Variants in PCMTD2 observed in about 807,000 individuals in gnomAD.
PCMTD2 encodes the protein protein-L-isoaspartate (D-aspartate) O-methyltransferase domain containing 2, also known as protein-L-isoaspartate O-methyltransferase domain-containing protein 2.
A neutral mutation model predicts 33.4 loss-of-function variants in PCMTD2; 16 were observed. That is an observed-to-expected ratio of 0.48 (90% confidence interval 0.32 to 0.73). The LOEUF is 0.73. Ranked by LOEUF, PCMTD2 falls within the 30% of genes least tolerant of loss-of-function variation. PCMTD2 has a pLI of 0.03. For synonymous variants in PCMTD2, 161 were observed against 160.8 expected, an observed-to-expected ratio of 1.00 and a Z score of -0.01; for missense variants, 374 against 449.9, an observed-to-expected ratio of 0.83 and a Z score of 1.53.
chr20:64,268,065 G>A, intron 5 of PCMTD2, 55 bp downstream of exon 5: 5 of 1,351,040 alleles, frequency 3.7e-6, no homozygotes, highest in Non-Finnish European at 5.0e-6. Flanking sequence ...TCTCTGGTTA[G>A]ATTTTAAAAG....
chr20:64,263,924 C>T (rs997240356), intron 2 of PCMTD2, among the ~76,000 whole-genome samples: 2 of 152,168 alleles, frequency 1.3e-5, no homozygotes, highest in Non-Finnish European at 2.9e-5. Flanking sequence ...ATTAAGTGGA[C>T]TTGTAACATT....
intron 2 of PCMTD2, among the ~76,000 whole-genome samples, chr20:64,261,119 T>G (rs1985397199): frequency 6.6e-6 from 1 of 152,166 alleles, no homozygotes; most frequent in Non-Finnish European, 1.5e-5. Context: ...AGACTGCACA[T>G]GGAAATATGG....
intron 2 of PCMTD2, chr20:64,262,535 A>C (rs1985468058): frequency 6.6e-6 from 1 of 152,308 alleles, no homozygotes; most frequent in Non-Finnish European, 1.5e-5. Context: ...CAGATGCTGC[A>C]GCTTTTATTC....
At chr20:64,256,113 GCTCA>G (rs1401932130) in intron 1 of PCMTD2, among the ~76,000 whole-genome samples, 2 of 152,278 alleles carry the variant, frequency 1.3e-5, no homozygotes, top group East Asian at 3.9e-4. Context: ...GGTGCCCGTT[GCTCA>G]CTCACACTCT....
chr20:64,270,218 G>C (rs1985851238), intron 5 of PCMTD2, among the ~76,000 whole-genome samples: 1 of 146,102 alleles, frequency 6.8e-6, no homozygotes, highest in Non-Finnish European at 1.5e-5. Context: ...CGTGCGTGGT[G>C]CGGGGTCATG....
At chr20:64,256,108 C>T (rs1044750526) in intron 1 of PCMTD2, among the ~76,000 whole-genome samples, 14 of 152,176 alleles carry the variant, frequency 9.2e-5, no homozygotes, top group Non-Finnish European at 4.4e-5. Flanking sequence ...CTCCCGGTGC[C>T]CGTTGCTCAC....
chr20:64,272,217 C>G, intron 5 of PCMTD2: 1 of 508,438 alleles, frequency 2.0e-6, no homozygotes, highest in Non-Finnish European at 3.8e-6. Context: ...TCTGTGCAGG[C>G]CTTTCTGACT....
chr20:64,273,580 C>CT lies in PCMTD2; in HGVS notation c.1069dup (p.Tyr357LeufsTer15). ...GCCAGATCCCCTGAAATACTACTTGCTTTATTACAGAGAAAAATAAGTCTC... is the reference window on the plus strand; with the variant it reads ...GCCAGATCCCCTGAAATACTACTTGCTTTTATTACAGAGAAAAATAAGTCTC... On this transcript the variant is annotated frameshift_variant, in exon 6 of 6. Transcript: ENST00000308824. LOFTEE classifies it high-confidence loss of function. The CT allele has an allele frequency of 6.6e-7, 1 of 1,521,024 alleles. No individual in the cohort carries two copies. Among genetic ancestry groups the CT allele is most frequent in the Non-Finnish European group, 8.8e-7 (1 of 1,138,166 alleles). The allele number at this position is 1,521,024 out of a possible 1,614,324, so 94.2% of individuals were successfully genotyped here. A position where few individuals can be genotyped will look rare whatever the true frequency, so the allele number is the denominator to read the frequency against.
chr20:64,264,989 G>A (rs1985596730), intron 3 of PCMTD2, among the ~76,000 whole-genome samples: 2 of 152,230 alleles, frequency 1.3e-5, no homozygotes, highest in Admixed American at 1.3e-4. Flanking sequence ...GACAGAGACA[G>A]CAGCGACTGG....
intron 2 of PCMTD2, among the ~76,000 whole-genome samples, chr20:64,263,712 C>T (rs1307722442): frequency 6.6e-6 from 1 of 152,178 alleles, no homozygotes; most frequent in African/African-American, 2.4e-5. Context: ...CATGCCCCCT[C>T]CTCCTCCTAG....
rs1457834845 is a variant in PCMTD2 at position 64,270,737 on chromosome 20, G to C, written c.707-2484G>C. On this transcript the variant is annotated intron_variant, in intron 5 of 5. Transcript: ENST00000308824. The stretch of plus-strand genomic sequence containing the variant: ...ATACATAAAATGGTACAGTCCTTCT[G>C]AGGAAGGGCACGTGAGGTGTTCGTT... Among the ~76,000 whole-genome samples, 3 of 150,368 alleles carry C rather than the reference G, an allele frequency of 2.0e-5. No individual in the cohort carries two copies. In the East Asian group the frequency reaches 5.8e-4, roughly 29 times the overall value.
chr20:64,268,107 TA>T (rs1211227327), intron 5 of PCMTD2, 97 bp downstream of exon 5: 1 of 768,820 alleles, frequency 1.3e-6, no homozygotes, highest in African/African-American at 2.1e-5. Context: ...CTTTTGATAT[TA>T]AAAAGCACCA....
Position 64,273,848 on chromosome 20 carries a change from A to C in PCMTD2, c.*248A>C, listed in dbSNP as rs1986012262. On this transcript the variant is annotated 3_prime_UTR_variant, in exon 6 of 6. Coordinates refer to ENST00000308824, the MANE Select transcript of PCMTD2 (RefSeq NM_018257.3). ...AGATTGTTTTCCCAAAGTGGAGAGA[A>C]TCTTCATAGAGAAAAAGAGAAGGCT... 1 of 373,596 alleles carries C rather than the reference A, an allele frequency of 2.7e-6. No homozygotes were observed. The highest frequency in any genetic ancestry group is 7.1e-4 in the Middle Eastern group (1 of 1,416). The allele number at this position is 373,596 out of a possible 1,614,324, so 23.1% of individuals were successfully genotyped here.
At chr20:64,263,857 A>G (rs546278197) in intron 2 of PCMTD2, among the ~76,000 whole-genome samples, 46 of 152,330 alleles carry the variant, frequency 3.0e-4, no homozygotes, top group Non-Finnish European at 4.7e-4. Context: ...GTTGAGTGTC[A>G]ATACTGTGTT....
chr20:64,276,103 T>A lies in PCMTD2; in HGVS notation c.*2503T>A, dbSNP rs1332469549. ...TCAAAATCTTAAGAAAAGAACCTTT[T>A]TTCTTTATTAACATCATGTGTTTAC... On this transcript the variant is annotated 3_prime_UTR_variant, in exon 6 of 6. Transcript: ENST00000308824. The A allele has an allele frequency of 6.6e-6, 1 of 152,254 alleles. No homozygotes were observed. The highest frequency in any genetic ancestry group is 1.5e-5 in the Non-Finnish European group (1 of 68,052). 9.4% of individuals were successfully genotyped at this position (152,254 alleles called of 1,614,324 possible).
At chr20:64,260,375 G>A (rs1372648636) in intron 2 of PCMTD2, 103 bp downstream of exon 2, 20 of 759,506 alleles carry the variant, frequency 2.6e-5, no homozygotes, top group Middle Eastern at 3.8e-4. Flanking sequence ...GGTCGAGACC[G>A]CAGCCTTCCC....
Position 64,264,512 on chromosome 20 carries a change from A to AC in PCMTD2, c.392dup (p.Ser132LysfsTer2), listed in dbSNP as rs747116048. 2 of 1,569,002 alleles carry AC rather than the reference A, an allele frequency of 1.3e-6. No individual in the cohort carries two copies. Among genetic ancestry groups the AC allele is most frequent in the Non-Finnish European group, 1.8e-6 (2 of 1,139,032 alleles). On this transcript the variant is annotated frameshift_variant, in exon 3 of 6. Coordinates refer to ENST00000308824, the MANE Select transcript of PCMTD2 (RefSeq NM_018257.3). LOFTEE classifies it high-confidence loss of function. ...GCAGAAACTGGACTTCTTCATCAGA[A>AC]CAAGTGATAGTTTTGACAAGTAAGA...
At chr20:64,264,399 T>C (rs1288458401) in intron 2 of PCMTD2, 30 bp from the exon 3 acceptor site, 3 of 1,072,850 alleles carry the variant, frequency 2.8e-6, no homozygotes, top group Non-Finnish European at 4.4e-6. Flanking sequence ...ACTCTGGTTC[T>C]ACATGTTTTC....
At chr20:64,268,277 A>G (rs546262741) in intron 5 of PCMTD2, among the ~76,000 whole-genome samples, 9 of 152,202 alleles carry the variant, frequency 5.9e-5, no homozygotes, top group Non-Finnish European at 1.0e-4. Flanking sequence ...CATAAAAGGG[A>G]GCTCATTTTG....
Sources: allele counts gnomAD v4.1 joint callset (sites outside exome capture counted in the v4.1 genomes callset), GRCh38; gene constraint gnomAD v4.1.1; transcripts MANE v1.5; gene names NCBI Gene and HGNC (gene_info 2026-07-23, HGNC 2026-07-21).